Variants in LARGE1 observed in about 807,000 individuals in gnomAD.
LARGE1 encodes the protein LARGE xylosyl- and glucuronyltransferase 1, also known as xylosyl- and glucuronyltransferase LARGE1.
Under a neutral mutation model 87.6 loss-of-function variants are expected in LARGE1, and 43 were observed. The observed-to-expected ratio is 0.49, with a 90% confidence interval of 0.38 to 0.63. LARGE1 has a LOEUF of 0.63. LARGE1 is among the 30% of genes least tolerant of loss of function. The pLI is 0.00. For missense variants in LARGE1, 802 were observed against 1,000.2 expected, an observed-to-expected ratio of 0.80 and a Z score of 2.67; for synonymous variants, 434 against 394.6, an observed-to-expected ratio of 1.10 and a Z score of -1.18.
At chr22:33,371,393 AAAGTCATG>A (rs1450331709) in intron 9 of LARGE1, among the ~76,000 whole-genome samples, 2 of 152,218 alleles carry the variant, frequency 1.3e-5, no homozygotes, top group Non-Finnish European at 2.9e-5. Flanking sequence ...TACATGTTTT[AAAGTCATG>A]AAGCTATGAA....
chr22:33,107,694 G>A, the LARGE1 span, among the ~76,000 whole-genome samples: 1 of 152,070 alleles, frequency 6.6e-6, no homozygotes, highest in African/African-American at 2.4e-5. Context: ...GCAATATCCT[G>A]TCTCTACAAA....
At chr22:33,620,575 C>A (rs1324013404) in intron 4 of LARGE1, among the ~76,000 whole-genome samples, 1 of 152,104 alleles carries the variant, frequency 6.6e-6, no homozygotes, top group African/African-American at 2.4e-5. Flanking sequence ...TTCTTCTTCA[C>A]CATAGAGGTT....
chr22:33,071,951 T>C, the LARGE1 span, among the ~76,000 whole-genome samples: 1 of 152,212 alleles, frequency 6.6e-6, no homozygotes, highest in Non-Finnish European at 1.5e-5. Context: ...CTGGAGCTAC[T>C]ACCCGGCCGT....
chr22:33,860,424 C>T (rs566764057), intron 1 of LARGE1, among the ~76,000 whole-genome samples: 137 of 152,318 alleles, frequency 9.0e-4, no homozygotes, highest in African/African-American at 3.2e-3. Context: ...ATATTTGTTT[C>T]TCCCACTGTC....
intron 1 of LARGE1, among the ~76,000 whole-genome samples, chr22:33,833,768 A>C (rs1288374903): frequency 6.6e-6 from 1 of 151,540 alleles, no homozygotes; most frequent in Non-Finnish European, 1.5e-5. Flanking sequence ...GCTCACTGCA[A>C]CCTCTGCCTC....
intron 12 of LARGE1, among the ~76,000 whole-genome samples, chr22:33,289,656 G>A (rs951049373): frequency 2.0e-4 from 31 of 152,138 alleles, no homozygotes; most frequent in African/African-American, 7.0e-4. Flanking sequence ...CTCATCTACA[G>A]AAACAGAACT....
chr22:33,733,146 T>A (rs2149486894), intron 2 of LARGE1: 1 of 152,336 alleles, frequency 6.6e-6, no homozygotes, highest in South Asian at 2.1e-4. Flanking sequence ...TGCTTTTACC[T>A]CCGCACCTCT....
At chr22:33,265,999 A>T (rs1426586477) in intron 11 of LARGE1, among the ~76,000 whole-genome samples, 1 of 152,178 alleles carries the variant, frequency 6.6e-6, no homozygotes, top group Non-Finnish European at 1.5e-5. Flanking sequence ...TAAATTCCCC[A>T]AGGACTAGGC....
At chr22:33,477,383 G>A (rs2069126180) in intron 6 of LARGE1, among the ~76,000 whole-genome samples, 1 of 152,204 alleles carries the variant, frequency 6.6e-6, no homozygotes, top group Non-Finnish European at 1.5e-5. Flanking sequence ...GCCGTCTAAA[G>A]ATGCTTTGTC....
chr22:33,120,795 G>T, the LARGE1 span, among the ~76,000 whole-genome samples: 7 of 152,056 alleles, frequency 4.6e-5, no homozygotes, highest in Admixed American at 4.6e-4. Flanking sequence ...GGGCTTACAG[G>T]CTTGATCCAC....
At chr22:33,497,904 A>C (rs1000495133) in intron 6 of LARGE1, among the ~76,000 whole-genome samples, 4 of 152,076 alleles carry the variant, frequency 2.6e-5, no homozygotes, top group African/African-American at 9.7e-5. Flanking sequence ...TTTATTTTTG[A>C]GACAGTCTTG....
intron 11 of LARGE1, among the ~76,000 whole-genome samples, chr22:33,170,117 C>T (rs1441965638): frequency 1.3e-5 from 2 of 152,010 alleles, no homozygotes; most frequent in African/African-American, 4.8e-5. Flanking sequence ...GTGACACATG[C>T]CAGCACTTTG....
At chr22:33,919,488 C>T (rs2065880856) in intron 1 of LARGE1, among the ~76,000 whole-genome samples, 2 of 152,214 alleles carry the variant, frequency 1.3e-5, no homozygotes, top group South Asian at 2.1e-4. Context: ...GATAGCAATG[C>T]CAACCAACCA....
At chr22:33,493,647 T>G (rs1375615478) in intron 6 of LARGE1, among the ~76,000 whole-genome samples, 1 of 152,180 alleles carries the variant, frequency 6.6e-6, no homozygotes, top group Non-Finnish European at 1.5e-5. Context: ...AAGTAGGCAG[T>G]ATGATCATAC....
chr22:33,116,091 T>A, the LARGE1 span: 1 of 152,202 alleles, frequency 6.6e-6, no homozygotes, highest in Non-Finnish European at 1.5e-5. Flanking sequence ...AACAATCTTA[T>A]ATTCCAGATG....
intron 1 of LARGE1, among the ~76,000 whole-genome samples, chr22:33,860,670 G>C (rs2063891092): frequency 6.6e-6 from 1 of 152,172 alleles, no homozygotes; most frequent in African/African-American, 2.4e-5. Flanking sequence ...GGATGGGCGT[G>C]CAACCGTGAT....
At chr22:33,807,709 T>C (rs2086357039) in intron 1 of LARGE1, among the ~76,000 whole-genome samples, 1 of 152,252 alleles carries the variant, frequency 6.6e-6, no homozygotes, top group African/African-American at 2.4e-5. Flanking sequence ...CTTTTTACTA[T>C]CTCCAGAGTT....
rs5998932 is a variant in LARGE1, at chr22:33,405,998, T to C, written c.893-21694A>G. On this transcript the variant is annotated intron_variant, in intron 7 of 14. Transcript: ENST00000397394. The stretch of plus-strand genomic sequence containing the variant: ...ATGCATTGCCATTTCCATTAACACA[T>C]ACATTTCCTCAGTCTTATCCAATCA... 1.3e-3 allele frequency among the ~76,000 whole-genome samples: 193 copies of C among 152,314 alleles called. 3 individuals are homozygous for C. The highest frequency in any genetic ancestry group is 4.5e-3 in the African/African-American group (188 of 41,574).
intron 5 of LARGE1, among the ~76,000 whole-genome samples, chr22:33,600,309 A>G (rs2079080288): frequency 1.3e-5 from 2 of 152,348 alleles, no homozygotes; most frequent in South Asian, 2.1e-4. Flanking sequence ...TTTAGCAAAC[A>G]TCTTTAAAAG....
Sources: allele counts gnomAD v4.1 joint callset (sites outside exome capture counted in the v4.1 genomes callset), GRCh38; gene constraint gnomAD v4.1.1; transcripts MANE v1.5; gene names NCBI Gene and HGNC (gene_info 2026-07-23, HGNC 2026-07-21).